Variants in TP63 observed in about 807,000 individuals in gnomAD.
TP63 encodes tumor protein p63.
In TP63, 17 loss-of-function variants were observed where a neutral mutation model predicts 82.8. The observed-to-expected ratio is 0.21, with a 90% confidence interval of 0.14 to 0.31. TP63 has a LOEUF of 0.31. Among genes scored for constraint, TP63 ranks in the 10% least tolerant of loss-of-function variants. TP63 has a pLI of 1.00. For synonymous variants in TP63, 330 were observed against 321.7 expected, an observed-to-expected ratio of 1.03 and a Z score of -0.28; for missense variants, 648 against 895.3, an observed-to-expected ratio of 0.72 and a Z score of 3.52.
intron 1 of TP63, among the ~76,000 whole-genome samples, chr3:189,667,689 AC>A (rs945013746): frequency 2.0e-5 from 3 of 152,066 alleles, no homozygotes; most frequent in African/African-American, 7.2e-5. Flanking sequence ...TTATGGAAGA[AC>A]CCAATGCCCC....
chr3:189,696,663 C>T (rs761304649), intron 1 of TP63, among the ~76,000 whole-genome samples: 1 of 152,104 alleles, frequency 6.6e-6, no homozygotes, highest in Non-Finnish European at 1.5e-5. Flanking sequence ...GCATTCTCAC[C>T]AGCAATGAAT....
chr3:189,749,493 T>C (rs1347221700), intron 3 of TP63, among the ~76,000 whole-genome samples: 4 of 152,236 alleles, frequency 2.6e-5, no homozygotes, highest in South Asian at 2.1e-4. Flanking sequence ...AAATGAGATA[T>C]CATCTTATGC....
At chr3:189,834,069 G>A (rs1202200639) in intron 4 of TP63, among the ~76,000 whole-genome samples, 2 of 152,202 alleles carry the variant, frequency 1.3e-5, no homozygotes, top group East Asian at 3.9e-4. Context: ...TGAAGGTTGA[G>A]AGACATGACG....
At chr3:189,822,981 T>A (rs1161837646) in intron 4 of TP63, among the ~76,000 whole-genome samples, 1 of 152,102 alleles carries the variant, frequency 6.6e-6, no homozygotes, top group African/African-American at 2.4e-5. Context: ...TGACTCAAGT[T>A]TTAGATGAGA....
intron 3 of TP63, among the ~76,000 whole-genome samples, chr3:189,775,866 A>C (rs2108567007): frequency 6.6e-6 from 1 of 152,354 alleles, no homozygotes; most frequent in Non-Finnish European, 1.5e-5. Flanking sequence ...GTACCCTAGT[A>C]ATATAAGCCT....
At chr3:189,800,020 T>A (rs1358417954) in intron 3 of TP63, among the ~76,000 whole-genome samples, 1 of 152,166 alleles carries the variant, frequency 6.6e-6, no homozygotes, top group Admixed American at 6.5e-5. Flanking sequence ...CCAACATTTT[T>A]AAAAGTTTAT....
At chr3:189,819,374 A>G (rs1469358274) in intron 4 of TP63, among the ~76,000 whole-genome samples, 3 of 152,098 alleles carry the variant, frequency 2.0e-5, no homozygotes, top group Middle Eastern at 6.8e-3. Context: ...TACGTGTGCC[A>G]TGTTGGTGTG....
At chr3:189,785,948 G>A (rs1483210532) in intron 3 of TP63, among the ~76,000 whole-genome samples, 4 of 151,916 alleles carry the variant, frequency 2.6e-5, no homozygotes, top group Admixed American at 6.6e-5. Context: ...GTCAGCCCCT[G>A]TACCTGCTAG....
chr3:189,887,452 A>ATAT (rs1720570539), intron 11 of TP63, among the ~76,000 whole-genome samples: 1 of 152,112 alleles, frequency 6.6e-6, no homozygotes, highest in East Asian at 1.9e-4. Context: ...ATTTCTTCTC[A>ATAT]CACACATTCC....
chr3:189,830,632 T>C (rs1712181310), intron 4 of TP63, among the ~76,000 whole-genome samples: 2 of 152,056 alleles, frequency 1.3e-5, no homozygotes, highest in Admixed American at 1.3e-4. Flanking sequence ...GCTGCTGTTG[T>C]TTTATTATGC....
chr3:189,756,466 T>C (rs930353500), intron 3 of TP63, among the ~76,000 whole-genome samples: 1 of 152,208 alleles, frequency 6.6e-6, no homozygotes, highest in Non-Finnish European at 1.5e-5. Context: ...TCGGGGACTT[T>C]ACCTTAAACA....
chr3:189,789,548 AT>A, intron 3 of TP63: 1 of 628,890 alleles, frequency 1.6e-6, no homozygotes. Context: ...GCCTCACTCC[AT>A]TGGAGTGGAG....
intron 4 of TP63, among the ~76,000 whole-genome samples, chr3:189,860,537 G>C (rs1293053101): frequency 6.6e-6 from 1 of 151,994 alleles, no homozygotes; most frequent in Non-Finnish European, 1.5e-5. Flanking sequence ...ATTTGGCTTT[G>C]TAAAAAGAAA....
At chr3:189,725,123 G>A (rs1719678420) in intron 1 of TP63, among the ~76,000 whole-genome samples, 2 of 152,070 alleles carry the variant, frequency 1.3e-5, no homozygotes, top group South Asian at 4.1e-4. Flanking sequence ...TCTAAAGGTT[G>A]TGATTTATAT....
intron 4 of TP63, among the ~76,000 whole-genome samples, chr3:189,828,544 C>T (rs1711798607): frequency 6.6e-6 from 1 of 152,170 alleles, no homozygotes; most frequent in African/African-American, 2.4e-5. Flanking sequence ...GGCTATTTAT[C>T]CTTCTGCTTT....
intron 10 of TP63, 132 bp from the exon 11 acceptor site, chr3:189,886,262 C>A: frequency 9.6e-7 from 1 of 1,041,634 alleles, no homozygotes; most frequent in Non-Finnish European, 1.4e-6. Flanking sequence ...TAACTTCTTA[C>A]CATTAATCCT....
intron 3 of TP63, among the ~76,000 whole-genome samples, chr3:189,747,320 C>T (rs1052750243): frequency 6.6e-6 from 1 of 152,020 alleles, no homozygotes; most frequent in African/African-American, 2.4e-5. Context: ...GCACAAGGAA[C>T]ATTCTTAAGG....
chr3:189,761,268 C>A (rs1722550380), intron 3 of TP63, among the ~76,000 whole-genome samples: 1 of 152,168 alleles, frequency 6.6e-6, no homozygotes, highest in African/African-American at 2.4e-5. Context: ...GCAAATTTTC[C>A]AAACTTTTGT....
At chr3:189,722,034 A>C (rs1026066525) in intron 1 of TP63, among the ~76,000 whole-genome samples, 2 of 152,186 alleles carry the variant, frequency 1.3e-5, no homozygotes, top group African/African-American at 4.8e-5. Context: ...GATTGGAGAG[A>C]TCTTACTGAG....
Sources: allele counts gnomAD v4.1 joint callset (sites outside exome capture counted in the v4.1 genomes callset), GRCh38; gene constraint gnomAD v4.1.1; transcripts MANE v1.5; gene names NCBI Gene and HGNC (gene_info 2026-07-23, HGNC 2026-07-21).